GLB1L2: variants seen among roughly 807,000 people sequenced by gnomAD.
GLB1L2 encodes the protein galactosidase beta 1 like 2, also known as beta-galactosidase-1-like protein 2.
In GLB1L2, 68 loss-of-function variants were observed where a neutral mutation model predicts 84.1. The ratio of observed to expected loss-of-function variants is 0.81; its 90% CI spans 0.67 to 0.99. GLB1L2 has a LOEUF of 0.99. Ranked by LOEUF, GLB1L2 falls within the 50% of genes least tolerant of loss-of-function variation. The pLI is 0.00. For synonymous variants in GLB1L2, 290 were observed against 318.0 expected, an observed-to-expected ratio of 0.91 and a Z score of 0.94; for missense variants, 762 against 805.6, an observed-to-expected ratio of 0.95 and a Z score of 0.66.
chr11:134,364,344 C>T lies in GLB1L2; in HGVS notation c.750C>T (p.Asn250=), dbSNP rs776629486. Reference sequence around the variant, plus strand: ...CTTTAACAGTCTTGGCCACCATCAACTTGCAGTCAACACACGAGCTGCAGC... The same window carrying T: ...CTTTAACAGTCTTGGCCACCATCAATTTGCAGTCAACACACGAGCTGCAGC... The part of the protein sequence containing the change: ...GIVQGVLATI[N]LQSTHELQLL... Residue 250 remains asparagine (N), a synonymous_variant, in exon 8 of 19, where the codon AAC becomes AAT. Coordinates refer to ENST00000535456, the MANE Select transcript of GLB1L2 (RefSeq NM_001370461.1). The T allele has an allele frequency of 3.7e-6, 6 of 1,613,860 alleles. No individual in the cohort carries two copies. Among genetic ancestry groups the T allele is most frequent in the Non-Finnish European group, 5.1e-6 (6 of 1,179,780 alleles).
Position 134,375,043 on chromosome 11 carries a change from C to G in GLB1L2, c.1896C>G (p.Asn632Lys). 6.2e-7 allele frequency: 1 copy of G among 1,613,666 alleles called. No individual in the cohort carries two copies. Among genetic ancestry groups the G allele is most frequent in the Non-Finnish European group, 8.5e-7 (1 of 1,179,882 alleles). ...CGGAAACCCCCCACCTGGGCAGGAA[C>G]CAGTACATTAAGTGAGCGGTGGCAC... Reference protein sequence around the residue: ...QFTETPHLGRNQYIK With the variant: ...QFTETPHLGRKQYIK Residue 632 changes from asparagine to lysine, a missense_variant, in exon 19 of 19, where the codon AAC becomes AAG. Around this residue, in one of 3 missense-constraint regions of GLB1L2, gnomAD observed 603 missense variants for 611.7 expected, o/e 0.99. Transcript: ENST00000535456.
At chr11:134,368,939 C>A (rs909040559) in intron 10 of GLB1L2, among the ~76,000 whole-genome samples, 158 bp downstream of exon 10, 1 of 152,172 alleles carries the variant, frequency 6.6e-6, no homozygotes, top group African/African-American at 2.4e-5. Flanking sequence ...TGTTACACTC[C>A]CAGAGGAGGG....
chr11:134,361,530 C>T (rs1943790239), intron 7 of GLB1L2: 1 of 152,410 alleles, frequency 6.6e-6, no homozygotes, highest in South Asian at 2.1e-4. Flanking sequence ...CTGCAGTGTG[C>T]TTAGTTTTCA....
At chr11:134,373,582 C>T in intron 15 of GLB1L2, 139 bp from the exon 16 acceptor site, 1 of 664,588 alleles carries the variant, frequency 1.5e-6, no homozygotes, top group East Asian at 2.5e-5. Context: ...CACTTCAGTA[C>T]CCCTCACCCC....
At chr11:134,356,855 A>T (rs900621283) in intron 6 of GLB1L2, among the ~76,000 whole-genome samples, 6 of 152,064 alleles carry the variant, frequency 3.9e-5, no homozygotes, top group African/African-American at 7.2e-5. Context: ...CACTGACTCA[A>T]TGCATGACTG....
At position 134,370,738 on chromosome 11, in the gene GLB1L2, C is replaced by G. The variant is rs1943941116; in HGVS notation, c.1216-270C>G. Among the ~76,000 whole-genome samples the G allele has an allele frequency of 6.6e-6, 1 of 152,162 alleles. No individual in the cohort carries two copies. The highest frequency in any genetic ancestry group is 1.5e-5 in the Non-Finnish European group (1 of 68,012). ...TGAGGGGCAGAGGAACAGGCCGTCCCCTCCCCAAGAAGGGGGTGCCTCCTC... is the reference window on the plus strand; with the variant it reads ...TGAGGGGCAGAGGAACAGGCCGTCCGCTCCCCAAGAAGGGGGTGCCTCCTC... On this transcript the variant is annotated intron_variant, in intron 12 of 18. Transcript: ENST00000535456. The surrounding 1 kb of genome is among the most constrained non-coding windows in gnomAD (Gnocchi z 4.7).
At position 134,367,203 on chromosome 11, in the gene GLB1L2, C is replaced by T. The variant is rs1207611420; in HGVS notation, c.805-54C>T. On this transcript the variant is annotated intron_variant, in intron 8 of 18. Transcript: ENST00000535456. ...GGGGCTCCCCTCCATGAAGAGCTTC[C>T]CTCTTTTTTGTCTGGCCAGCCTGCT... The T allele has an allele frequency of 4.9e-6, 7 of 1,438,136 alleles. No individual in the cohort carries two copies. The African/African-American group carries it at 8.4e-5, about 17-fold the overall frequency. The allele number at this position is 1,438,136 out of a possible 1,614,324, so 89.1% of individuals were successfully genotyped here.
At chr11:134,374,855 C>A in intron 18 of GLB1L2, 117 bp from the exon 19 acceptor site, 1 of 1,192,974 alleles carries the variant, frequency 8.4e-7, no homozygotes, top group African/African-American at 1.5e-5. Context: ...TTGTTGGTCC[C>A]TGTCCCTTCC....
In GLB1L2 at chr11:134,332,136, GGTGCTCCGCAGGTGAGAGA is replaced by G. The variant is rs1565430910; in HGVS notation, c.77_86+9del. Reference sequence around the variant, plus strand: ...TGCTGCTGGTCGTCTTGGGCTTCCTGGTGCTCCGCAGGTGAGAGAGAGCTTCGCGCAGCACCTGCCGGAC... The same window carrying G: ...TGCTGCTGGTCGTCTTGGGCTTCCTGGAGCTTCGCGCAGCACCTGCCGGAC... On this transcript the variant is annotated splice_donor_variant and splice_donor_5th_base_variant and coding_sequence_variant and intron_variant, in exon 1 of 19. Transcript: ENST00000535456. LOFTEE classifies it high-confidence loss of function. 3 of 1,578,204 alleles carry G rather than the reference GGTGCTCCGCAGGTGAGAGA, an allele frequency of 1.9e-6. No homozygotes were observed. In the South Asian group the frequency reaches 3.5e-5, roughly 18 times the overall value.
At chr11:134,356,265 A>G in intron 5 of GLB1L2, 36 bp from the exon 6 acceptor site, 1 of 1,547,418 alleles carries the variant, frequency 6.5e-7, no homozygotes, top group South Asian at 1.1e-5. Context: ...GTTCCCCTGC[A>G]CACTCAGCTC....
rs765780808 is a variant in GLB1L2, at chr11:134,373,737, C to CT, written c.1525dup (p.Tyr509LeufsTer4). 4 of 1,612,026 alleles carry CT rather than the reference C, an allele frequency of 2.5e-6. No individual in the cohort carries two copies. Among genetic ancestry groups the CT allele is most frequent in the Admixed American group, 1.7e-5 (1 of 59,896 alleles). On this transcript the variant is annotated frameshift_variant, in exon 16 of 19. Transcript: ENST00000535456. LOFTEE classifies it high-confidence loss of function. Reference sequence around the variant, plus strand: ...CTCCCACAGGCTTAATTGGAAATCTCTATCTGAATGATTCACCCCTGAAAA... The same window carrying CT: ...CTCCCACAGGCTTAATTGGAAATCTCTTATCTGAATGATTCACCCCTGAAAA...
intron 1 of GLB1L2, among the ~76,000 whole-genome samples, chr11:134,340,322 C>T (rs1169802567): frequency 6.6e-6 from 1 of 152,046 alleles, no homozygotes; most frequent in African/African-American, 2.4e-5. Context: ...ATTTTCACCA[C>T]CAGGTTGTCA....
chr11:134,348,363 T>C (rs1385201580), intron 5 of GLB1L2, among the ~76,000 whole-genome samples: 1 of 152,114 alleles, frequency 6.6e-6, no homozygotes, highest in Non-Finnish European at 1.5e-5. Flanking sequence ...GCCTTAACCA[T>C]GACAGAAGCA....
intron 1 of GLB1L2, among the ~76,000 whole-genome samples, chr11:134,340,635 A>G (rs1258852): frequency 0.13 from 19,738 of 152,142 alleles, 1,339 homozygotes; most frequent in Middle Eastern, 0.16. Context: ...TTGTCTTAGC[A>G]CTCCAGGGCT....
At position 134,339,223 on chromosome 11, in the gene GLB1L2, C is replaced by T. The variant is rs1943430246; in HGVS notation, c.87-3531C>T. ...AAAGTCTTGCTGACCTTTAAACCAA[C>T]CAACTCCAACCACACTGTTGATATT... On this transcript the variant is annotated intron_variant, in intron 1 of 18. Transcript: ENST00000535456. The surrounding 1 kb of genome is among the most constrained non-coding windows in gnomAD (Gnocchi z 5.7). 6.6e-6 allele frequency among the ~76,000 whole-genome samples: 1 copy of T among 152,168 alleles called. No homozygotes were observed. Among genetic ancestry groups the T allele is most frequent in the African/African-American group, 2.4e-5 (1 of 41,422 alleles).
chr11:134,367,816 T>C (rs1478261392), intron 9 of GLB1L2, among the ~76,000 whole-genome samples: 1 of 152,200 alleles, frequency 6.6e-6, no homozygotes, highest in Admixed American at 6.5e-5. Context: ...ACATGACTGT[T>C]TTAAAGAATG....
In GLB1L2 at chr11:134,364,528, C is replaced by G. The variant is rs959580023; in HGVS notation, c.804+130C>G. ...TCAGGGCTGATGGCCTCTGGCCCCC[C>G]GCCCATGCCACTGTGTGCCTGCAAG... On this transcript the variant is annotated intron_variant, in intron 8 of 18. Coordinates refer to ENST00000535456, the MANE Select transcript of GLB1L2 (RefSeq NM_001370461.1). The G allele has an allele frequency of 1.4e-5, 10 of 724,258 alleles. No homozygotes were observed. The South Asian group carries it at 1.5e-4, about 11-fold the overall frequency. 44.9% of individuals were successfully genotyped at this position (724,258 alleles called of 1,614,324 possible).
At chr11:134,359,982 A>G (rs1206146703) in intron 7 of GLB1L2, 4 of 152,248 alleles carry the variant, frequency 2.6e-5, no homozygotes, top group African/African-American at 4.8e-5. Context: ...GGCTCACTCA[A>G]TCCTTCTCCC....
At chr11:134,358,268 G>C (rs1943733255) in intron 6 of GLB1L2, among the ~76,000 whole-genome samples, 1 of 152,364 alleles carries the variant, frequency 6.6e-6, no homozygotes, top group Non-Finnish European at 1.5e-5. Context: ...CTTTGGCTCT[G>C]GGTTCAGGCC....
Sources: gnomAD v4.1 joint callset for allele counts (sites outside exome capture counted in the v4.1 genomes callset) on GRCh38, gnomAD v4.1.1 for gene constraint, gnomAD v4.1.1 regional missense constraint, Gnocchi (gnomAD v3.1) non-coding constraint, MANE v1.5 for transcripts, NCBI Gene and HGNC (gene_info 2026-07-23, HGNC 2026-07-21) for gene names.